Variants in TNFSF4 observed in about 807,000 individuals in gnomAD.
The protein encoded by TNFSF4 is tumor necrosis factor ligand superfamily member 4.
In TNFSF4, 4 loss-of-function variants were observed where a neutral mutation model predicts 7.3. The observed-to-expected ratio is 0.55, with a 90% CI of 0.27 to 1.25. The LOEUF (loss-of-function observed/expected upper bound fraction) is 1.25, where lower values mean the gene tolerates loss of function less well. TNFSF4 is among the 50% of genes most tolerant of loss of function. TNFSF4 has a pLI of 0.12. For missense variants in TNFSF4, 181 were observed against 208.8 expected, an observed-to-expected ratio of 0.87 and a Z score of 0.82; for synonymous variants, 76 against 83.7, an observed-to-expected ratio of 0.91 and a Z score of 0.50.
chr1:173,417,351 T>A, the TNFSF4 span, among the ~76,000 whole-genome samples: 1 of 152,248 alleles, frequency 6.6e-6, no homozygotes, highest in Non-Finnish European at 1.5e-5. Flanking sequence ...GTAAAGCTCT[T>A]AGCACATAGC....
At chr1:173,323,891 G>T in the TNFSF4 span, among the ~76,000 whole-genome samples, 1 of 152,196 alleles carries the variant, frequency 6.6e-6, no homozygotes, top group Non-Finnish European at 1.5e-5. Context: ...TCTAATTGGT[G>T]TACCTGAAAG....
At chr1:173,294,924 C>A in the TNFSF4 span, among the ~76,000 whole-genome samples, 1 of 151,936 alleles carries the variant, frequency 6.6e-6, no homozygotes, top group African/African-American at 2.4e-5. Context: ...AGAAGACAAT[C>A]CAATTTTTTA....
chr1:173,400,437 T>A, the TNFSF4 span, among the ~76,000 whole-genome samples: 21 of 152,284 alleles, frequency 1.4e-4, 1 homozygote, highest in East Asian at 4.1e-3. Context: ...GTTACACCAG[T>A]AAAATGTTTC....
the TNFSF4 span, among the ~76,000 whole-genome samples, chr1:173,280,476 A>G: frequency 3.3e-5 from 5 of 152,290 alleles, no homozygotes; most frequent in Non-Finnish European, 5.9e-5. Context: ...GAATGGATAG[A>G]TGGAGAACAT....
At chr1:173,415,937 T>G in the TNFSF4 span, among the ~76,000 whole-genome samples, 1 of 152,226 alleles carries the variant, frequency 6.6e-6, no homozygotes, top group East Asian at 1.9e-4. Flanking sequence ...TGTGCAAAAC[T>G]GGTGCATGGA....
chr1:173,187,673 C>T (rs1419458689), intron 2 of TNFSF4, among the ~76,000 whole-genome samples: 4 of 152,126 alleles, frequency 2.6e-5, no homozygotes, highest in African/African-American at 9.7e-5. Context: ...GAGTCACTGC[C>T]ACAGGAGAAA....
At chr1:173,177,116 C>G in the TNFSF4 span, among the ~76,000 whole-genome samples, 1 of 151,934 alleles carries the variant, frequency 6.6e-6, no homozygotes, top group Non-Finnish European at 1.5e-5. Flanking sequence ...TAGCCCTGAA[C>G]CTAAAATAAA....
the TNFSF4 span, among the ~76,000 whole-genome samples, chr1:173,222,216 T>C: frequency 7.0e-6 from 1 of 142,840 alleles, no homozygotes; most frequent in Non-Finnish European, 1.5e-5. Flanking sequence ...TGGTCTCCTA[T>C]AATGGGTACT....
chr1:173,398,600 G>A, the TNFSF4 span, among the ~76,000 whole-genome samples: 4 of 151,544 alleles, frequency 2.6e-5, no homozygotes, highest in African/African-American at 7.3e-5. Flanking sequence ...AAATTTTTTT[G>A]TATTTTTAGT....
the TNFSF4 span, among the ~76,000 whole-genome samples, chr1:173,375,931 A>G: frequency 2.0e-5 from 3 of 152,122 alleles, no homozygotes; most frequent in Non-Finnish European, 2.9e-5. Flanking sequence ...CCATTCTTAA[A>G]GTCAGTGAGA....
the TNFSF4 span, among the ~76,000 whole-genome samples, chr1:173,372,318 G>T: frequency 1.3e-5 from 2 of 152,168 alleles, no homozygotes; most frequent in African/African-American, 4.8e-5. Flanking sequence ...TCTAATCAAG[G>T]AGACCCAGAG....
At chr1:173,412,311 C>T in the TNFSF4 span, among the ~76,000 whole-genome samples, 1 of 152,110 alleles carries the variant, frequency 6.6e-6, no homozygotes, top group African/African-American at 2.4e-5. Context: ...TTTCTGTCTT[C>T]GTTTCTGGCT....
chr1:173,352,291 G>A, the TNFSF4 span, among the ~76,000 whole-genome samples: 4 of 152,210 alleles, frequency 2.6e-5, no homozygotes, highest in African/African-American at 4.8e-5. Flanking sequence ...CTGTGACCAT[G>A]TTAGTCAAAA....
chr1:173,281,311 G>T, the TNFSF4 span, among the ~76,000 whole-genome samples: 1 of 152,132 alleles, frequency 6.6e-6, no homozygotes, highest in African/African-American at 2.4e-5. Flanking sequence ...CACTCTGAAT[G>T]GAAAGAGCCC....
At chr1:173,282,168 A>G in the TNFSF4 span, among the ~76,000 whole-genome samples, 8 of 152,276 alleles carry the variant, frequency 5.3e-5, no homozygotes, top group Middle Eastern at 3.4e-3. Flanking sequence ...TTTATTGTAT[A>G]TTTTAAAATA....
chr1:173,314,408 T>A, the TNFSF4 span, among the ~76,000 whole-genome samples: 1 of 152,160 alleles, frequency 6.6e-6, no homozygotes, highest in Admixed American at 6.6e-5. Context: ...GAATACTTGC[T>A]AGCCCTCAAG....
the TNFSF4 span, among the ~76,000 whole-genome samples, chr1:173,253,179 T>C: frequency 6.6e-6 from 1 of 152,230 alleles, no homozygotes; most frequent in Non-Finnish European, 1.5e-5. Flanking sequence ...TTTTCAGCTA[T>C]CAGGCTTTTT....
the TNFSF4 span, among the ~76,000 whole-genome samples, chr1:173,435,562 T>C: frequency 6.6e-6 from 1 of 152,190 alleles, no homozygotes; most frequent in Non-Finnish European, 1.5e-5. Flanking sequence ...AACTGGCCAA[T>C]ACCTTGATCT....
chr1:173,340,549 A>G, the TNFSF4 span, among the ~76,000 whole-genome samples: 1 of 152,144 alleles, frequency 6.6e-6, no homozygotes, highest in Non-Finnish European at 1.5e-5. Flanking sequence ...TGAAGCCTAT[A>G]TCCCCAACCA....
Sources: gnomAD v4.1 joint callset for allele counts (sites outside exome capture counted in the v4.1 genomes callset) on GRCh38, gnomAD v4.1.1 for gene constraint, MANE v1.5 for transcripts, NCBI Gene and HGNC (gene_info 2026-07-23, HGNC 2026-07-21) for gene names.